AP1G2: variants seen among roughly 807,000 people sequenced by gnomAD.
AP1G2 encodes AP-1 complex subunit gamma-like 2.
In AP1G2, 85 loss-of-function variants were observed where a neutral mutation model predicts 95.8. The observed-to-expected ratio is 0.89, with a 90% CI of 0.74 to 1.06. The LOEUF (loss-of-function observed/expected upper bound fraction) is 1.06. Ranked by LOEUF, AP1G2 falls within the 50% of genes least tolerant of loss-of-function variation. AP1G2 has a pLI of 0.00. For synonymous variants in AP1G2, 378 were observed against 400.0 expected, an observed-to-expected ratio of 0.94 and a Z score of 0.66; for missense variants, 967 against 1,005.8, an observed-to-expected ratio of 0.96 and a Z score of 0.52.
chr14:23,562,189 G>T lies in AP1G2; in HGVS notation c.1628+99C>A, dbSNP rs1188424591. The stretch of plus-strand genomic sequence containing the variant: ...CTCAAAAACAAGAACCTAAGGGCTA[G>T]GGGGTAGGGAGGGCTGGGCATGTAT... On this transcript the variant is annotated intron_variant, in intron 16 of 21. Coordinates refer to ENST00000397120, the MANE Select transcript of AP1G2 (RefSeq NM_003917.5). The T allele has an allele frequency of 6.3e-6, 10 of 1,593,706 alleles. No homozygotes were observed. The African/African-American group carries it at 9.4e-5, about 15-fold the overall frequency.
chr14:23,562,039 G>A lies in AP1G2; in HGVS notation c.1656C>T (p.Tyr552=), dbSNP rs368747270. The A allele has an allele frequency of 8.2e-5, 132 of 1,613,630 alleles. No individual in the cohort carries two copies. Among genetic ancestry groups the A allele is most frequent in the Non-Finnish European group, 1.0e-4 (120 of 1,179,904 alleles). The stretch of plus-strand genomic sequence containing the variant: ...GCAGCTCCACGTCCAAGCAGCTCCC[G>A]TAGATGGACACCACCTGGCGGATGC... ...NNRIRQVVSI[Y]GSCLDVELQQ... is the part of the protein sequence containing the mutation. The change falls in exon 17 of 22, where the codon TAC becomes TAT. Residue 552 remains tyrosine (Y), a synonymous_variant. Transcript: ENST00000397120.
chr14:23,563,202 G>C, intron 14 of AP1G2, 178 bp downstream of exon 14: 1 of 1,441,060 alleles, frequency 6.9e-7, no homozygotes, highest in Non-Finnish European at 9.1e-7. Context: ...GGAGGTACCA[G>C]AGTCAGGACA....
chr14:23,562,691 C>T, intron 14 of AP1G2, 98 bp from the exon 15 acceptor site: 3 of 1,268,092 alleles, frequency 2.4e-6, no homozygotes, highest in Non-Finnish European at 3.3e-6. Context: ...TTGCTTGAGA[C>T]CAGGAGTTCA....
At position 23,563,244 on chromosome 14, in the gene AP1G2, G is replaced by A. The variant is rs539566232; in HGVS notation, c.1410+136C>T. The A allele has an allele frequency of 3.4e-6, 5 of 1,462,738 alleles. No individual in the cohort carries two copies. The East Asian group carries it at 1.0e-4, about 29-fold the overall frequency. The allele number at this position is 1,462,738 out of a possible 1,614,324, so 90.6% of individuals were successfully genotyped here. A position where few individuals can be genotyped will look rare whatever the true frequency, so the allele number is the denominator to read the frequency against. ...CAGATGTTCTTAAAAACAGGGCTCT[G>A]TGCTCAGATGTCTTCTGCACTGTGT... On this transcript the variant is annotated intron_variant, in intron 14 of 21. Coordinates refer to ENST00000397120, the MANE Select transcript of AP1G2 (RefSeq NM_003917.5).
At chr14:23,561,258 T>C (rs777395603) in intron 19 of AP1G2, 38 bp downstream of exon 19, 11 of 1,514,210 alleles carry the variant, frequency 7.3e-6, no homozygotes, top group Non-Finnish European at 9.7e-6. Flanking sequence ...CATTTCCACC[T>C]ACCTTCTCTA....
At chr14:23,562,474 C>T (rs1348840620) in intron 15 of AP1G2, 30 bp downstream of exon 15, 1 of 1,610,546 alleles carries the variant, frequency 6.2e-7, no homozygotes, top group African/African-American at 1.3e-5. Context: ...TGACAAGTCC[C>T]TCCTCAGTGT....
rs577817126 is a variant in AP1G2, at chr14:23,564,623, T to G, written c.860A>C (p.Asn287Thr). The G allele has an allele frequency of 9.9e-6, 16 of 1,613,800 alleles. No homozygotes were observed. The East Asian group carries it at 2.5e-4, about 25-fold the overall frequency. Reference sequence around the variant, plus strand: ...GAGTACTGTCTCAAACAGGACCGCATTTCCGGCATTTCGGCTGGTGTCCGT... The same window carrying G: ...GAGTACTGTCTCAAACAGGACCGCAGTTCCGGCATTTCGGCTGGTGTCCGT... ...TNTDTSRNAG[N>T]AVLFETVLTI... Residue 287 changes from asparagine (N) to threonine (T), a missense_variant, in exon 9 of 22, where the codon AAT (asparagine) becomes ACT (threonine). Coordinates refer to ENST00000397120, the MANE Select transcript of AP1G2 (RefSeq NM_003917.5).
chr14:23,564,645 C>T lies in AP1G2; in HGVS notation c.838G>A (p.Asp280Asn). Residue 280 changes from aspartate to asparagine, a missense_variant, in exon 9 of 22, where the codon GAC becomes AAC. Coordinates refer to ENST00000397120, the MANE Select transcript of AP1G2 (RefSeq NM_003917.5). Reference sequence around the variant, plus strand: ...GCATTTCCGGCATTTCGGCTGGTGTCCGTGTTAGTGGCCACCTGAGTGGAT... The same window carrying T: ...GCATTTCCGGCATTTCGGCTGGTGTTCGTGTTAGTGGCCACCTGAGTGGAT... ...DLLAQVATNTDTSRNAGNAVL... is the reference protein window; with the variant it reads ...DLLAQVATNTNTSRNAGNAVL... 1 of 1,613,790 alleles carries T rather than the reference C, an allele frequency of 6.2e-7. No homozygotes were observed. Among genetic ancestry groups the T allele is most frequent in the Admixed American group, 1.7e-5 (1 of 60,024 alleles).
At chr14:23,564,208 C>T in intron 10 of AP1G2, 49 bp from the exon 11 acceptor site, 1 of 1,611,754 alleles carries the variant, frequency 6.2e-7, no homozygotes, top group Non-Finnish European at 8.5e-7. Context: ...TCAGCCCCCA[C>T]TCCCCGTCCT....
chr14:23,566,170 T>C lies in AP1G2; in HGVS notation c.472-10A>G, dbSNP rs1476715102. 3.1e-6 allele frequency: 5 copies of C among 1,595,402 alleles called. No homozygotes were observed. The highest frequency in any genetic ancestry group is 4.3e-6 in the Non-Finnish European group (5 of 1,169,412). On this transcript the variant is annotated splice_polypyrimidine_tract_variant and intron_variant, in intron 4 of 21. Coordinates refer to ENST00000397120, the MANE Select transcript of AP1G2 (RefSeq NM_003917.5). The stretch of plus-strand genomic sequence containing the variant: ...CTGCAGTCAGAATAGCCTGCAGAGG[T>C]CAGGGGCCTCAGACAGGGGTCAGAG...
chr14:23,566,631 T>C lies in AP1G2; in HGVS notation c.260A>G (p.Tyr87Cys), dbSNP rs1888153213. ...ATCCAATAGAAGCATGGCCCCCAGG[T>C]AGCCCACCCTCTTGTCTGTGAATCT... ...SSRFTDKRVG[Y>C]LGAMLLLDER... The change falls in exon 3 of 22, where the codon TAC becomes TGC. Residue 87 changes from tyrosine (Y) to cysteine (C), a missense_variant. Transcript: ENST00000397120. The C allele has an allele frequency of 6.2e-7, 1 of 1,614,186 alleles. No homozygotes were observed. The highest frequency in any genetic ancestry group is 8.5e-7 in the Non-Finnish European group (1 of 1,180,026).
Position 23,561,607 on chromosome 14 carries a change from C to T in AP1G2, c.1762G>A (p.Val588Met), listed in dbSNP as rs1201008075. 3.7e-6 allele frequency: 6 copies of T among 1,613,992 alleles called. No homozygotes were observed. The highest frequency in any genetic ancestry group is 2.2e-5 in the South Asian group (2 of 91,082). ...TCAGCCTGAGGGCCATCTCGCTCCA[C>T]AAGAGGCATTTTTTCCAGGATGGCA... is the stretch of plus-strand genomic sequence containing the variant. ...RAAILEKMPL[V>M]ERDGPQADEE... Residue 588 changes from valine (V) to methionine (M), a missense_variant, in exon 18 of 22, where the codon GTG (valine) becomes ATG (methionine). Physicochemically the swap from Val to Met is conservative, Grantham distance 21. Transcript: ENST00000397120.
At chr14:23,564,976 T>C (rs1309770558) in intron 8 of AP1G2, 143 bp downstream of exon 8, 2 of 801,180 alleles carry the variant, frequency 2.5e-6, no homozygotes, top group Admixed American at 4.5e-5. Flanking sequence ...ACAGACTGTG[T>C]CCCTTCTTCA....
At chr14:23,563,936 C>A in intron 11 of AP1G2, 80 bp from the exon 12 acceptor site, 1 of 1,599,732 alleles carries the variant, frequency 6.3e-7, no homozygotes, top group South Asian at 1.1e-5. Flanking sequence ...TCCCCAGGGA[C>A]CTGTCCCCCT....
chr14:23,567,029 G>A lies in AP1G2; in HGVS notation c.204+82C>T. 1 of 1,416,568 alleles carries A rather than the reference G, an allele frequency of 7.1e-7. No homozygotes were observed. The highest frequency in any genetic ancestry group is 1.3e-5 in the South Asian group (1 of 77,846). 87.7% of individuals were successfully genotyped at this position (1,416,568 alleles called of 1,614,324 possible). A position where few individuals can be genotyped will look rare whatever the true frequency, so the allele number is the denominator to read the frequency against. ...TGAAATTGTAGAATTTAAAAAACCA[G>A]GGCATAAACAGGTGAGAGAGTCTGG... On this transcript the variant is annotated intron_variant, in intron 2 of 21. Transcript: ENST00000397120. The surrounding 1 kb of genome is among the most constrained non-coding windows in gnomAD (Gnocchi z 5.3).
intron 16 of AP1G2, 99 bp downstream of exon 16, chr14:23,562,189 G>C: frequency 6.3e-7 from 1 of 1,593,708 alleles, no homozygotes; most frequent in Non-Finnish European, 8.6e-7. Context: ...CTAAGGGCTA[G>C]GGGGTAGGGA....
rs1233407700 is a variant in AP1G2 at position 23,561,563 on chromosome 14, GCTTTC to G, written c.1801_1805del (p.Glu601GlnfsTer54). On this transcript the variant is annotated frameshift_variant, in exon 18 of 22. Transcript: ENST00000397120. LOFTEE classifies it high-confidence loss of function. ...CTTCTGAAAGCTGGGCTGCTTCTTT[GCTTTC>G]CTTTGCTTCCTCATCAGCCTGAGGG... The G allele has an allele frequency of 6.2e-7, 1 of 1,614,156 alleles. No individual in the cohort carries two copies. Among genetic ancestry groups the G allele is most frequent in the South Asian group, 1.1e-5 (1 of 91,082 alleles).
rs1242589678 is a variant in AP1G2 at position 23,562,000 on chromosome 14, C to T, written c.1695G>A (p.Val565=). Residue 565 remains valine (V), a synonymous_variant, in exon 17 of 22, where the codon GTG becomes GTA. Coordinates refer to ENST00000397120, the MANE Select transcript of AP1G2 (RefSeq NM_003917.5). The part of the protein sequence containing the change: ...CLDVELQQRA[V]EYDTLFRKYD... ...ATTTCCGGAAGAGTGTGTCATACTC[C>T]ACAGCCCGCTGCTGCAGCTCCACGT... 2 of 1,613,318 alleles carry T rather than the reference C, an allele frequency of 1.2e-6. No individual in the cohort carries two copies. The highest frequency in any genetic ancestry group is 1.7e-6 in the Non-Finnish European group (2 of 1,179,752).
In AP1G2 at chr14:23,566,160, C is replaced by T. The variant is rs757354310; in HGVS notation, c.472G>A (p.Ala158Thr). 1.3e-6 allele frequency: 2 copies of T among 1,599,182 alleles called. No homozygotes were observed. The highest frequency in any genetic ancestry group is 4.5e-5 in the East Asian group (2 of 44,714). The change falls in exon 5 of 22, where the codon GCT becomes ACT. Residue 158 changes from alanine to threonine, a missense_variant and splice_region_variant. Transcript: ENST00000397120. ...ATCATGTGCACTGCAGTCAGAATAG[C>T]CTGCAGAGGTCAGGGGCCTCAGACA... ...LQPSPYVRKK[A>T]ILTAVHMIRK...
Sources: allele counts gnomAD v4.1 joint callset, GRCh38; gene constraint gnomAD v4.1.1; non-coding constraint Gnocchi (gnomAD v3.1); transcripts MANE v1.5; gene names NCBI Gene and HGNC (gene_info 2026-07-23, HGNC 2026-07-21).